GRIK2: variants seen among roughly 807,000 people sequenced by gnomAD.
GRIK2 encodes the protein glutamate receptor ionotropic, kainate 2.
In GRIK2, 32 loss-of-function variants were observed where a neutral mutation model predicts 100.3. That is an observed-to-expected ratio of 0.32 (90% CI 0.24 to 0.43). GRIK2 has a LOEUF of 0.43. GRIK2 is among the 20% of genes least tolerant of loss of function. The pLI is 1.00. For synonymous variants in GRIK2, 417 were observed against 389.4 expected (o/e 1.07, Z -0.83); for missense variants, 843 against 1,114.9 (o/e 0.76, Z 3.47).
chr6:101,864,366 A>C (rs1379491786), intron 11 of GRIK2, among the ~76,000 whole-genome samples: 2 of 152,304 alleles, frequency 1.3e-5, no homozygotes, highest in African/African-American at 4.8e-5. Context: ...TAGGCCCCTC[A>C]TGCTTCAGTG....
chr6:101,488,594 A>G lies in GRIK2; in HGVS notation c.115+89202A>G, dbSNP rs1678022233. Among the ~76,000 whole-genome samples the G allele has an allele frequency of 5.5e-5, 8 of 146,416 alleles. 2 individuals are homozygous for G. Among genetic ancestry groups the G allele is most frequent in the Admixed American group, 5.4e-4 (8 of 14,686 alleles). Reference sequence around the variant, plus strand: ...TGGATGTCTTCATTGGTTTTGCAGGAACCTGATTTCCAATTTTGCTTTTGC... The same window carrying G: ...TGGATGTCTTCATTGGTTTTGCAGGGACCTGATTTCCAATTTTGCTTTTGC... On this transcript the variant is annotated intron_variant, in intron 2 of 16. Transcript: ENST00000369134.
intron 2 of GRIK2, among the ~76,000 whole-genome samples, chr6:101,440,367 A>G (rs1769978072): frequency 6.6e-6 from 1 of 152,214 alleles, no homozygotes; most frequent in Non-Finnish European, 1.5e-5. Flanking sequence ...AATTTAGCTC[A>G]GTGCATTAAG....
chr6:101,950,696 AT>A (rs1264932047), intron 14 of GRIK2, among the ~76,000 whole-genome samples: 1 of 151,204 alleles, frequency 6.6e-6, no homozygotes, highest in East Asian at 1.9e-4. Flanking sequence ...TTTGTTTTTC[AT>A]TTTTTTCTTT....
chr6:101,541,635 C>T (rs1452239630), intron 2 of GRIK2, among the ~76,000 whole-genome samples: 3 of 151,986 alleles, frequency 2.0e-5, no homozygotes, highest in Non-Finnish European at 2.9e-5. Context: ...TTGTGTAGTA[C>T]ATATTTTGTT....
chr6:102,061,301 T>C (rs963833790), intron 16 of GRIK2, among the ~76,000 whole-genome samples: 3 of 150,588 alleles, frequency 2.0e-5, no homozygotes, highest in Non-Finnish European at 4.5e-5. Flanking sequence ...ATACCACATT[T>C]GAATACAAAA....
At chr6:101,855,857 T>C (rs1002256082) in intron 10 of GRIK2, among the ~76,000 whole-genome samples, 3 of 152,112 alleles carry the variant, frequency 2.0e-5, no homozygotes, top group Non-Finnish European at 4.4e-5. Flanking sequence ...AAAGATGTAG[T>C]TACAATAGGA....
chr6:101,447,725 C>G (rs907408309), intron 2 of GRIK2, among the ~76,000 whole-genome samples: 2 of 151,610 alleles, frequency 1.3e-5, no homozygotes, highest in Non-Finnish European at 3.0e-5. Flanking sequence ...TTATGTACTT[C>G]AAAGTCCATT....
intron 7 of GRIK2, among the ~76,000 whole-genome samples, chr6:101,778,912 C>T (rs1377123160): frequency 1.3e-5 from 2 of 152,064 alleles, no homozygotes; most frequent in African/African-American, 4.8e-5. Context: ...TTGGTAATTA[C>T]TGCTTAGTAT....
chr6:101,716,818 C>T, intron 7 of GRIK2, among the ~76,000 whole-genome samples: 1 of 151,706 alleles, frequency 6.6e-6, no homozygotes, highest in Non-Finnish European at 1.5e-5. Context: ...TAAGCATATT[C>T]CCATTTTATA....
intron 2 of GRIK2, among the ~76,000 whole-genome samples, chr6:101,581,995 G>A (rs1190084094): frequency 6.6e-6 from 1 of 151,970 alleles, no homozygotes; most frequent in East Asian, 1.9e-4. Context: ...GAATCATGGG[G>A]ATGCTTTTCC....
In GRIK2 at chr6:101,682,555, A is replaced by G. The variant is rs748605542; in HGVS notation, c.726A>G (p.Ala242=). ...CAGTAATTTTTTTTTTTCCTTAGGC[A>G]TTAGCTATGGGAATGATGACAGAAT... is the stretch of plus-strand genomic sequence containing the variant. ...HEMAAGILKQ[A]LAMGMMTEYY... Residue 242 remains alanine, a splice_region_variant and synonymous_variant, in exon 6 of 17, where the codon GCA becomes GCG. Transcript: ENST00000369134. The G allele has an allele frequency of 2.3e-6, 3 of 1,292,006 alleles. No individual in the cohort carries two copies. Among genetic ancestry groups the G allele is most frequent in the Admixed American group, 1.8e-5 (1 of 55,940 alleles). The allele number at this position is 1,292,006 out of a possible 1,614,324, so 80.0% of individuals were successfully genotyped here.
chr6:101,820,436 ATTC>A lies in GRIK2; in HGVS notation c.1317+1964_1317+1966del, dbSNP rs571134128. 2.0e-3 allele frequency among the ~76,000 whole-genome samples: 307 copies of A among 151,292 alleles called. 3 individuals carry two copies. The highest frequency in any genetic ancestry group is 6.8e-3 in the African/African-American group (280 of 41,140). On this transcript the variant is annotated intron_variant, in intron 10 of 16. Transcript: ENST00000369134. ...TTTTATGGCTCCAAATCTTCGCTCA[ATTC>A]TTCTTCTTCTCCTCCTCCTTCTTCT... is the stretch of plus-strand genomic sequence containing the variant.
Position 101,548,172 on chromosome 6 carries a change from T to C in GRIK2, c.116-73777T>C, listed in dbSNP as rs888098447. ...GCCCACTTTTTGATGGGGTTGTTTG[T>C]TTTTTTCTTGTAAATTTGTTTGAGT... On this transcript the variant is annotated intron_variant, in intron 2 of 16. Transcript: ENST00000369134. Among the ~76,000 whole-genome samples the C allele has an allele frequency of 1.4e-3, 217 of 152,212 alleles. 1 individual carries two copies. Among genetic ancestry groups the C allele is most frequent in the African/African-American group, 4.7e-3 (195 of 41,540 alleles).
chr6:101,930,077 C>T (rs1026219295), intron 14 of GRIK2, among the ~76,000 whole-genome samples: 8 of 152,016 alleles, frequency 5.3e-5, no homozygotes, highest in Non-Finnish European at 1.0e-4. Context: ...CACGTTGGCT[C>T]GTGCCTGTAA....
At chr6:101,847,763 C>T (rs1783894908) in intron 10 of GRIK2, among the ~76,000 whole-genome samples, 1 of 152,006 alleles carries the variant, frequency 6.6e-6, no homozygotes, top group Non-Finnish European at 1.5e-5. Context: ...ATACATCCCC[C>T]ACTGGTTATG....
chr6:101,912,521 A>T (rs932356889), intron 12 of GRIK2, among the ~76,000 whole-genome samples: 2 of 151,556 alleles, frequency 1.3e-5, no homozygotes, highest in Non-Finnish European at 1.5e-5. Context: ...AATAATGGCT[A>T]AGACTCGCTT....
At chr6:102,061,033 T>G (rs954357377) in intron 16 of GRIK2, among the ~76,000 whole-genome samples, 3 of 150,428 alleles carry the variant, frequency 2.0e-5, no homozygotes, top group Admixed American at 6.7e-5. Flanking sequence ...CCATGAATGA[T>G]CTATATAATG....
intron 2 of GRIK2, among the ~76,000 whole-genome samples, chr6:101,483,127 A>G (rs1033047458): frequency 2.8e-4 from 43 of 152,148 alleles, no homozygotes; most frequent in African/African-American, 9.7e-4. Flanking sequence ...TTTAAATCAG[A>G]TATCTTTCTA....
intron 2 of GRIK2, among the ~76,000 whole-genome samples, chr6:101,471,511 A>G (rs1364178469): frequency 6.6e-6 from 1 of 152,044 alleles, no homozygotes; most frequent in African/African-American, 2.4e-5. Flanking sequence ...TACAGGAACA[A>G]TGATAAACAT....
Sources: gnomAD v4.1 joint callset for allele counts (sites outside exome capture counted in the v4.1 genomes callset) on GRCh38, gnomAD v4.1.1 for gene constraint, MANE v1.5 for transcripts, NCBI Gene and HGNC (gene_info 2026-07-23, HGNC 2026-07-21) for gene names.